RFX1: variants seen among roughly 807,000 people sequenced by gnomAD.
RFX1 encodes regulatory factor X1.
Under a neutral mutation model 119.6 loss-of-function variants are expected in RFX1, and 42 were observed. The observed-to-expected ratio is 0.35, with a 90% confidence interval of 0.27 to 0.45. RFX1 has a LOEUF of 0.45. Among genes scored for constraint, RFX1 ranks in the 20% least tolerant of loss-of-function variants. RFX1 has a pLI of 1.00. For missense variants in RFX1, 1,118 were observed against 1,368.1 expected, an observed-to-expected ratio of 0.82 and a Z score of 2.88; for synonymous variants, 628 against 618.5, an observed-to-expected ratio of 1.02 and a Z score of -0.23.
Position 13,965,408 on chromosome 19 carries a change from A to T in RFX1, c.2211+41T>A. On this transcript the variant is annotated intron_variant, in intron 16 of 20. Coordinates refer to ENST00000254325, the MANE Select transcript of RFX1 (RefSeq NM_002918.5). The surrounding 1 kb of genome is among the most constrained non-coding windows in gnomAD (Gnocchi z 4.7). ...GGGGAGCAGAGGAGACGGAGGCCTA[A>T]GCCCCAGAGATAGGAGAAAGGGACC... 1 of 1,567,082 alleles carries T rather than the reference A, an allele frequency of 6.4e-7. No homozygotes were observed. The highest frequency in any genetic ancestry group is 1.1e-5 in the South Asian group (1 of 89,444).
At position 13,985,757 on chromosome 19, in the gene RFX1, TG is replaced by T. The variant is rs1206298565; in HGVS notation, c.320-2163del. 6.6e-6 allele frequency among the ~76,000 whole-genome samples: 1 copy of T among 152,112 alleles called. No individual in the cohort carries two copies. Among genetic ancestry groups the T allele is most frequent in the Non-Finnish European group, 1.5e-5 (1 of 68,012 alleles). ...CCCTCAAAGTCTGAAGTATCCAGAC[TG>T]GGTCTCGGCTGTCCAGGCAGGGCAC... On this transcript the variant is annotated intron_variant, in intron 2 of 20. Coordinates refer to ENST00000254325, the MANE Select transcript of RFX1 (RefSeq NM_002918.5). This position sits in a 1 kb window ranked among gnomAD's most constrained non-coding sequence, Gnocchi z 4.3.
chr19:14,002,053 T>C (rs971500696), intron 1 of RFX1, among the ~76,000 whole-genome samples: 13 of 152,008 alleles, frequency 8.6e-5, no homozygotes, highest in African/African-American at 2.9e-4. Flanking sequence ...GGAGAATCTC[T>C]TGAACCTGGG....
chr19:13,965,782 G>A lies in RFX1; in HGVS notation c.1962-5C>T, dbSNP rs780780214. On this transcript the variant is annotated splice_region_variant and splice_polypyrimidine_tract_variant and intron_variant, in intron 14 of 20. Coordinates refer to ENST00000254325, the MANE Select transcript of RFX1 (RefSeq NM_002918.5). This position sits in a 1 kb window ranked among gnomAD's most constrained non-coding sequence, Gnocchi z 4.7. ...CGCTTCTCGGCCTCGTCATGTCTGCGGGCACCCACCCCACCCCGGGTCACT... is the reference window on the plus strand; with the variant it reads ...CGCTTCTCGGCCTCGTCATGTCTGCAGGCACCCACCCCACCCCGGGTCACT... The A allele has an allele frequency of 2.3e-5, 37 of 1,612,992 alleles. No individual in the cohort carries two copies. Among genetic ancestry groups the A allele is most frequent in the Admixed American group, 1.0e-4 (6 of 59,972 alleles).
Position 13,980,565 on chromosome 19 carries a change from C to T in RFX1, c.738+8G>A. On this transcript the variant is annotated splice_region_variant and intron_variant, in intron 6 of 20. Transcript: ENST00000254325. The surrounding 1 kb of genome is among the most constrained non-coding windows in gnomAD (Gnocchi z 5.1). ...TGGACCGAGCCACTGCCCGCCTTGG[C>T]CTGGCACCTCTTGGGTGACGGGGAC... 6.5e-7 allele frequency: 1 copy of T among 1,547,326 alleles called. No individual in the cohort carries two copies. Among genetic ancestry groups the T allele is most frequent in the Non-Finnish European group, 8.7e-7 (1 of 1,147,964 alleles).
At position 13,966,077 on chromosome 19, in the gene RFX1, G is replaced by A. The variant is rs1009121149; in HGVS notation, c.1962-300C>T. ...AAGGGCACAGGTACCCCCGTCCCCA[G>A]GTAAGTACCCCCTGCCTCCCAAAGA... On this transcript the variant is annotated intron_variant, in intron 14 of 20. Transcript: ENST00000254325. This position sits in a 1 kb window ranked among gnomAD's most constrained non-coding sequence, Gnocchi z 6.3. Among the ~76,000 whole-genome samples, 2 of 152,114 alleles carry A rather than the reference G, an allele frequency of 1.3e-5. No homozygotes were observed. The highest frequency in any genetic ancestry group is 2.4e-5 in the African/African-American group (1 of 41,408).
chr19:13,965,840 A>T lies in RFX1; in HGVS notation c.1962-63T>A. 6.3e-7 allele frequency: 1 copy of T among 1,576,032 alleles called. No homozygotes were observed. Among genetic ancestry groups the T allele is most frequent in the Non-Finnish European group, 8.6e-7 (1 of 1,158,064 alleles). ...TCTATGGTCCTGCCCCCATCGTCAG[A>T]AGGGAACAGGTAGCCCCTGTCCCTG... On this transcript the variant is annotated intron_variant, in intron 14 of 20. Coordinates refer to ENST00000254325, the MANE Select transcript of RFX1 (RefSeq NM_002918.5). The surrounding 1 kb of genome is among the most constrained non-coding windows in gnomAD (Gnocchi z 4.7).
rs1242582286 is a variant in RFX1, at chr19:13,962,438, G to C, written c.*257C>G. 2.0e-6 allele frequency: 1 copy of C among 500,414 alleles called. No homozygotes were observed. Among genetic ancestry groups the C allele is most frequent in the Non-Finnish European group, 3.5e-6 (1 of 283,812 alleles). 31.0% of individuals were successfully genotyped at this position (500,414 alleles called of 1,614,324 possible). ...AGGGGGGCGGCCAAGGGGCCGAGCT[G>C]GATGCCCCGCGGGGCACCTGGGCAC... On this transcript the variant is annotated 3_prime_UTR_variant, in exon 21 of 21. Transcript: ENST00000254325.
In RFX1 at chr19:13,993,849, CG is replaced by C; in HGVS notation, c.-7del. 3 of 1,492,544 alleles carry C rather than the reference CG, an allele frequency of 2.0e-6. No homozygotes were observed. The highest frequency in any genetic ancestry group is 2.7e-6 in the Non-Finnish European group (3 of 1,129,254). 92.5% of individuals were successfully genotyped at this position (1,492,544 alleles called of 1,614,324 possible). A position where few individuals can be genotyped will look rare whatever the true frequency, so the allele number is the denominator to read the frequency against. On this transcript the variant is annotated 5_prime_UTR_variant, in exon 2 of 21. Coordinates refer to ENST00000254325, the MANE Select transcript of RFX1 (RefSeq NM_002918.5). ...GTATACGCCTGTGTTGCCATGCCAACGGTGGGGAAAATGATAATAAATAAGG... is the reference window on the plus strand; with the variant it reads ...GTATACGCCTGTGTTGCCATGCCAACGTGGGGAAAATGATAATAAATAAGG...
In RFX1 at chr19:13,979,429, GGA is replaced by G; in HGVS notation, c.834+16_834+17del. 1 of 1,527,076 alleles carries G rather than the reference GGA, an allele frequency of 6.5e-7. No individual in the cohort carries two copies. The highest frequency in any genetic ancestry group is 8.9e-7 in the Non-Finnish European group (1 of 1,125,428). The allele number at this position is 1,527,076 out of a possible 1,614,324, so 94.6% of individuals were successfully genotyped here. A position where few individuals can be genotyped will look rare whatever the true frequency, so the allele number is the denominator to read the frequency against. On this transcript the variant is annotated intron_variant, in intron 7 of 20. Coordinates refer to ENST00000254325, the MANE Select transcript of RFX1 (RefSeq NM_002918.5). Reference sequence around the variant, plus strand: ...GACCAGCCCCTTTGCCCGTGGGGTAGGAGGGGGAGACACACACCTCTTGAGCC... The same window carrying G: ...GACCAGCCCCTTTGCCCGTGGGGTAGGGGGGAGACACACACCTCTTGAGCC...
At position 13,969,809 on chromosome 19, in the gene RFX1, CAT is replaced by C. The variant is rs1204717869; in HGVS notation, c.1496+183_1496+184del. 2 of 545,702 alleles carry C rather than the reference CAT, an allele frequency of 3.7e-6. No homozygotes were observed. Among genetic ancestry groups the C allele is most frequent in the Non-Finnish European group, 6.4e-6 (2 of 314,382 alleles). The allele number at this position is 545,702 out of a possible 1,614,324, so 33.8% of individuals were successfully genotyped here. On this transcript the variant is annotated intron_variant, in intron 10 of 20. Coordinates refer to ENST00000254325, the MANE Select transcript of RFX1 (RefSeq NM_002918.5). The surrounding 1 kb of genome is among the most constrained non-coding windows in gnomAD (Gnocchi z 4.5). ...TGCAAGTAAGGAGGGGTGAGAAGCA[CAT>C]GAGGTGGAAGGCACCGCCAGTGCAA...
rs1314002314 is a variant in RFX1, at chr19:13,986,423, C to T, written c.320-2828G>A. Among the ~76,000 whole-genome samples, 1 of 152,194 alleles carries T rather than the reference C, an allele frequency of 6.6e-6. No homozygotes were observed. Among genetic ancestry groups the T allele is most frequent in the Non-Finnish European group, 1.5e-5 (1 of 68,024 alleles). ...CAGGAGGGCGCCAGGGGATGCGCCACGAGGCTAACAGGTGAGCCTGAGTGA... is the reference window on the plus strand; with the variant it reads ...CAGGAGGGCGCCAGGGGATGCGCCATGAGGCTAACAGGTGAGCCTGAGTGA... On this transcript the variant is annotated intron_variant, in intron 2 of 20. Coordinates refer to ENST00000254325, the MANE Select transcript of RFX1 (RefSeq NM_002918.5). This position sits in a 1 kb window ranked among gnomAD's most constrained non-coding sequence, Gnocchi z 4.2.
At chr19:13,983,947 C>T (rs1974517897) in intron 2 of RFX1, among the ~76,000 whole-genome samples, 1 of 152,192 alleles carries the variant, frequency 6.6e-6, no homozygotes, top group Non-Finnish European at 1.5e-5. Flanking sequence ...AGGGAACTGA[C>T]TGTCCACTCC....
Position 13,980,733 on chromosome 19 carries a change from C to A in RFX1, c.622-44G>T, listed in dbSNP as rs73924072. On this transcript the variant is annotated intron_variant, in intron 5 of 20. Coordinates refer to ENST00000254325, the MANE Select transcript of RFX1 (RefSeq NM_002918.5). This position sits in a 1 kb window ranked among gnomAD's most constrained non-coding sequence, Gnocchi z 5.1. The stretch of plus-strand genomic sequence containing the variant: ...CAGGAGTGCCGCTGGGGTGGGCTTG[C>A]ATCCTCTCTGAGGTGGGCTCACACA... 1 of 1,426,336 alleles carries A rather than the reference C, an allele frequency of 7.0e-7. No homozygotes were observed. Among genetic ancestry groups the A allele is most frequent in the Non-Finnish European group, 9.7e-7 (1 of 1,034,180 alleles). 88.4% of individuals were successfully genotyped at this position (1,426,336 alleles called of 1,614,324 possible).
chr19:13,971,395 GGGACCACCA>G lies in RFX1; in HGVS notation c.1315-1229_1315-1221del, dbSNP rs1190170170. Among the ~76,000 whole-genome samples the G allele has an allele frequency of 9.2e-5, 14 of 152,128 alleles. No individual in the cohort carries two copies. In the South Asian group the frequency reaches 2.5e-3, roughly 27 times the overall value. On this transcript the variant is annotated intron_variant, in intron 9 of 20. Coordinates refer to ENST00000254325, the MANE Select transcript of RFX1 (RefSeq NM_002918.5). The stretch of plus-strand genomic sequence containing the variant: ...AAGCCAGGCTACATCAGGACCATGA[GGGACCACCA>G]GGACCACCAGCGCTGACCCACCCCA...
chr19:13,962,345 G>A lies in RFX1; in HGVS notation c.*350C>T, dbSNP rs1257810525. The A allele has an allele frequency of 6.0e-6, 2 of 334,964 alleles. No homozygotes were observed. Among genetic ancestry groups the A allele is most frequent in the Non-Finnish European group, 1.1e-5 (2 of 181,344 alleles). 20.7% of individuals were successfully genotyped at this position (334,964 alleles called of 1,614,324 possible). On this transcript the variant is annotated 3_prime_UTR_variant, in exon 21 of 21. Transcript: ENST00000254325. ...ATAAGTTAACAGTTTCGCACGGGAG[G>A]GGGCCTGCCTGCCTGCCCCCTGGGG...
At chr19:13,993,994 C>T (rs985171093) in intron 1 of RFX1, 99 bp from the exon 2 acceptor site, 5 of 718,754 alleles carry the variant, frequency 7.0e-6, no homozygotes, top group Non-Finnish European at 1.1e-5. Context: ...AGGGACAGCT[C>T]TGGGTTCCCT....
chr19:13,996,718 CTTTTT>C (rs767281958), intron 1 of RFX1, among the ~76,000 whole-genome samples: 3 of 114,406 alleles, frequency 2.6e-5, no homozygotes, highest in African/African-American at 6.8e-5. Context: ...GGCTCATTTG[CTTTTT>C]TTTTTTTTTT....
rs756898556 is a variant in RFX1, at chr19:13,969,456, C to T, written c.1496+538G>A. ...TCACTTGAGGACAGGAGTTCAAGAC[C>T]AGCCTGGCCAACATAGCAAAGCCCT... On this transcript the variant is annotated intron_variant, in intron 10 of 20. Coordinates refer to ENST00000254325, the MANE Select transcript of RFX1 (RefSeq NM_002918.5). The surrounding 1 kb of genome is among the most constrained non-coding windows in gnomAD (Gnocchi z 4.5). Among the ~76,000 whole-genome samples the T allele has an allele frequency of 1.2e-4, 19 of 152,048 alleles. No individual in the cohort carries two copies. Among genetic ancestry groups the T allele is most frequent in the Non-Finnish European group, 2.4e-4 (16 of 67,988 alleles).
chr19:13,966,436 G>T lies in RFX1; in HGVS notation c.1946C>A (p.Ala649Glu). ...CAGTACTCACACAGCCAGCGGTGGC[G>T]CCTCACTGGGCTGGCTGAGGTTGTA... ...WRYNLSQPSE[A>E]PPLAVHDEAE... Residue 649 changes from alanine to glutamate, a missense_variant, in exon 14 of 21, where the codon GCG becomes GAG. Physicochemically the swap from Ala to Glu is moderately radical, Grantham distance 107. Around this residue, in one of 5 missense-constraint regions of RFX1, gnomAD observed 338 missense variants for 508.9 expected, o/e 0.66. Coordinates refer to ENST00000254325, the MANE Select transcript of RFX1 (RefSeq NM_002918.5). The surrounding 1 kb of genome is among the most constrained non-coding windows in gnomAD (Gnocchi z 6.3). 1 of 1,608,058 alleles carries T rather than the reference G, an allele frequency of 6.2e-7. No individual in the cohort carries two copies. The highest frequency in any genetic ancestry group is 1.1e-5 in the South Asian group (1 of 90,942).
Sources: allele counts gnomAD v4.1 joint callset (sites outside exome capture counted in the v4.1 genomes callset), GRCh38; gene constraint gnomAD v4.1.1; regional missense constraint gnomAD v4.1.1; non-coding constraint Gnocchi (gnomAD v3.1); transcripts MANE v1.5; gene names NCBI Gene and HGNC (gene_info 2026-07-23, HGNC 2026-07-21).